Variants in CFAP20DC observed in about 807,000 individuals in gnomAD.
The protein encoded by CFAP20DC is protein CFAP20DC.
CFAP20DC carries 84 observed loss-of-function variants against 101.7 expected under a neutral mutation model. The ratio of observed to expected loss-of-function variants is 0.83; its 90% CI spans 0.69 to 0.99. The LOEUF (loss-of-function observed/expected upper bound fraction) is 0.99, where lower values mean the gene tolerates loss of function less well. CFAP20DC is among the 50% of genes least tolerant of loss of function. The pLI is 0.00. For missense variants in CFAP20DC, 1,007 were observed against 970.3 expected (o/e 1.04, Z -0.50); for synonymous variants, 359 against 351.2 (o/e 1.02, Z -0.25).
intron 14 of CFAP20DC, among the ~76,000 whole-genome samples, chr3:58,826,387 G>A (rs1467140994): frequency 6.6e-6 from 1 of 152,098 alleles, no homozygotes. Flanking sequence ...GTGTCATGGT[G>A]GTTTGCTGCA....
Position 58,863,376 on chromosome 3 carries a change from A to C in CFAP20DC, c.1593+182T>G. The C allele has an allele frequency of 1.4e-6, 2 of 1,394,132 alleles. No individual in the cohort carries two copies. Among genetic ancestry groups the C allele is most frequent in the South Asian group, 3.6e-5 (2 of 55,282 alleles). 86.4% of individuals were successfully genotyped at this position (1,394,132 alleles called of 1,614,324 possible). On this transcript the variant is annotated intron_variant, in intron 12 of 16. Coordinates refer to ENST00000482387, the MANE Select transcript of CFAP20DC (RefSeq NM_001394063.1). This position sits in a 1 kb window ranked among gnomAD's most constrained non-coding sequence, Gnocchi z 5.9. The stretch of plus-strand genomic sequence containing the variant: ...AAATTGGCTGACTGTTAATTAAAAA[A>C]AAAAAAAGACAGTTTAAAGTTACCA...
chr3:59,004,263 C>T lies in CFAP20DC; in HGVS notation c.278+35294G>A, dbSNP rs185786136. Among the ~76,000 whole-genome samples, 555 of 152,116 alleles carry T rather than the reference C, an allele frequency of 3.6e-3. 3 individuals are homozygous for T. Among genetic ancestry groups the T allele is most frequent in the Non-Finnish European group, 4.3e-3 (291 of 67,992 alleles). ...GTAAACAAGCAAAAGTCTGTAGCAC[C>T]CAACATGCATCTGAGGCACAGGAAG... On this transcript the variant is annotated intron_variant, in intron 4 of 16. Coordinates refer to ENST00000482387, the MANE Select transcript of CFAP20DC (RefSeq NM_001394063.1).
chr3:58,764,572 C>T (rs529753060), intron 15 of CFAP20DC, among the ~76,000 whole-genome samples: 2 of 152,288 alleles, frequency 1.3e-5, no homozygotes, highest in South Asian at 2.1e-4. Context: ...GAACCCGGTA[C>T]CTCAGTTGGA....
chr3:58,809,791 T>C (rs897321391), intron 14 of CFAP20DC, among the ~76,000 whole-genome samples: 4 of 151,792 alleles, frequency 2.6e-5, no homozygotes, highest in African/African-American at 9.7e-5. Context: ...ATCAACAAAA[T>C]TGATAGACCT....
chr3:59,046,717 G>A (rs1019969925), intron 2 of CFAP20DC, among the ~76,000 whole-genome samples: 4 of 152,194 alleles, frequency 2.6e-5, no homozygotes, highest in African/African-American at 9.6e-5. Context: ...GAGTAATTGA[G>A]CAAGCGACCT....
chr3:58,974,164 G>A (rs1458121509), intron 4 of CFAP20DC, among the ~76,000 whole-genome samples: 1 of 152,086 alleles, frequency 6.6e-6, no homozygotes, highest in Non-Finnish European at 1.5e-5. Flanking sequence ...GGTGAGTTGC[G>A]TGTCACTGAA....
chr3:58,922,622 T>C (rs1042251914), intron 5 of CFAP20DC, among the ~76,000 whole-genome samples: 2 of 152,124 alleles, frequency 1.3e-5, no homozygotes, highest in African/African-American at 4.8e-5. Context: ...CTAGCTCCTC[T>C]CCCCCTTCCA....
chr3:58,742,124 A>G lies in CFAP20DC; in HGVS notation c.*336T>C. 1 of 939,314 alleles carries G rather than the reference A, an allele frequency of 1.1e-6. No homozygotes were observed. The highest frequency in any genetic ancestry group is 1.3e-6 in the Non-Finnish European group (1 of 786,572). 58.2% of individuals were successfully genotyped at this position (939,314 alleles called of 1,614,324 possible). A position where few individuals can be genotyped will look rare whatever the true frequency, so the allele number is the denominator to read the frequency against. On this transcript the variant is annotated 3_prime_UTR_variant, in exon 17 of 17. Coordinates refer to ENST00000482387, the MANE Select transcript of CFAP20DC (RefSeq NM_001394063.1). ...ATCAAGCCATCATTTACAGATTAAC[A>G]CTGCAAAAAATTTGAATGAATAACT...
intron 6 of CFAP20DC, among the ~76,000 whole-genome samples, chr3:58,886,322 T>C (rs896430390): frequency 2.4e-4 from 37 of 152,152 alleles, no homozygotes; most frequent in African/African-American, 8.4e-4. Context: ...CCACAATAAA[T>C]TGAATTTATG....
At chr3:58,934,481 T>G (rs564803603) in intron 5 of CFAP20DC, among the ~76,000 whole-genome samples, 2 of 152,266 alleles carry the variant, frequency 1.3e-5, no homozygotes, top group East Asian at 3.9e-4. Flanking sequence ...AAAGAGAATT[T>G]TAGACCAATA....
chr3:58,797,039 C>T (rs1163212120), intron 15 of CFAP20DC, among the ~76,000 whole-genome samples: 1 of 152,144 alleles, frequency 6.6e-6, no homozygotes, highest in Non-Finnish European at 1.5e-5. Flanking sequence ...CTTGGGCCTA[C>T]CTATTCCCTG....
chr3:58,915,835 T>G (rs2084648281), intron 5 of CFAP20DC, among the ~76,000 whole-genome samples: 1 of 152,272 alleles, frequency 6.6e-6, no homozygotes, highest in Non-Finnish European at 1.5e-5. Flanking sequence ...ATTTAACTGT[T>G]TCTTCCCTCT....
At chr3:58,807,670 C>T (rs759253610) in intron 14 of CFAP20DC, among the ~76,000 whole-genome samples, 12 of 152,218 alleles carry the variant, frequency 7.9e-5, no homozygotes, top group Non-Finnish European at 8.8e-5. Context: ...GTCTCCTCAT[C>T]CAAAGGAACG....
At position 58,859,694 on chromosome 3, in the gene CFAP20DC, T is replaced by C. The variant is rs1043988549; in HGVS notation, c.1593+3864A>G. 6.6e-6 allele frequency among the ~76,000 whole-genome samples: 1 copy of C among 152,214 alleles called. No homozygotes were observed. On this transcript the variant is annotated intron_variant, in intron 12 of 16. Transcript: ENST00000482387. The surrounding 1 kb of genome is among the most constrained non-coding windows in gnomAD (Gnocchi z 4.1). ...CCTGGTAGGTATACAGAATATGTTA[T>C]GTTCTAATTCATAATACATAGGAAT...
intron 5 of CFAP20DC, among the ~76,000 whole-genome samples, chr3:58,923,292 T>G (rs2085587504): frequency 6.6e-6 from 1 of 152,210 alleles, no homozygotes; most frequent in African/African-American, 2.4e-5. Flanking sequence ...TAGATTTAGC[T>G]ATATATTTAC....
chr3:58,930,317 C>T (rs894414930), intron 5 of CFAP20DC, among the ~76,000 whole-genome samples: 1 of 152,148 alleles, frequency 6.6e-6, no homozygotes, highest in South Asian at 2.1e-4. Flanking sequence ...CTACACCCTC[C>T]AAATCACTGC....
intron 6 of CFAP20DC, among the ~76,000 whole-genome samples, chr3:58,890,446 C>A (rs956927385): frequency 6.9e-6 from 1 of 145,512 alleles, no homozygotes; most frequent in Non-Finnish European, 1.5e-5. Flanking sequence ...GCTGACCCCC[C>A]CCACGTCCCT....
chr3:58,797,575 G>C (rs1394390208), intron 15 of CFAP20DC, among the ~76,000 whole-genome samples: 1 of 152,196 alleles, frequency 6.6e-6, no homozygotes, highest in Non-Finnish European at 1.5e-5. Context: ...TGATGTAGAA[G>C]CTGCAGCAAG....
At chr3:58,898,053 A>G (rs1434035724) in intron 6 of CFAP20DC, among the ~76,000 whole-genome samples, 7 of 151,214 alleles carry the variant, frequency 4.6e-5, no homozygotes, top group African/African-American at 1.7e-4. Flanking sequence ...TAATCCCCAT[A>G]TTTCTTGGAG....
Sources: gnomAD v4.1 joint callset for allele counts (sites outside exome capture counted in the v4.1 genomes callset) on GRCh38, gnomAD v4.1.1 for gene constraint, Gnocchi (gnomAD v3.1) non-coding constraint, MANE v1.5 for transcripts, NCBI Gene and HGNC (gene_info 2026-07-23, HGNC 2026-07-21) for gene names.